Variants in SPACA1 observed in about 807,000 individuals in gnomAD.
The protein encoded by SPACA1 is sperm acrosome membrane-associated protein 1.
In SPACA1, 17 loss-of-function variants were observed where a neutral mutation model predicts 32.6. The observed-to-expected ratio is 0.52, with a 90% CI of 0.36 to 0.78. SPACA1 has a LOEUF of 0.78. Among genes scored for constraint, SPACA1 ranks in the 30% least tolerant of loss-of-function variants. SPACA1 has a pLI of 0.01. For missense variants in SPACA1, 363 were observed against 373.4 expected (o/e 0.97, Z 0.23); for synonymous variants, 140 against 138.1 (o/e 1.01, Z -0.10).
chr6:88,053,757 A>C (rs1775764143), intron 1 of SPACA1, among the ~76,000 whole-genome samples, 189 bp from the exon 2 acceptor site: 1 of 152,168 alleles, frequency 6.6e-6, no homozygotes, highest in Non-Finnish European at 1.5e-5. Context: ...ACTTCTTTAG[A>C]GGTTTGAGAC....
chr6:88,065,728 A>G (rs919125868), intron 6 of SPACA1, among the ~76,000 whole-genome samples: 2 of 151,184 alleles, frequency 1.3e-5, no homozygotes, highest in African/African-American at 2.4e-5. Flanking sequence ...TATTTTTAAA[A>G]ATCAGCCTTC....
intron 2 of SPACA1, among the ~76,000 whole-genome samples, chr6:88,056,559 A>C (rs892449406): frequency 6.6e-6 from 1 of 152,172 alleles, no homozygotes; most frequent in Non-Finnish European, 1.5e-5. Flanking sequence ...AAACCCATTC[A>C]AGAACAGCTG....
In SPACA1 at chr6:88,056,569, G is replaced by A. The variant is rs572329796; in HGVS notation, c.266-1043G>A. 3.3e-3 allele frequency among the ~76,000 whole-genome samples: 503 copies of A among 152,292 alleles called. 5 individuals are homozygous for A. Among genetic ancestry groups the A allele is most frequent in the Non-Finnish European group, 5.2e-3 (356 of 68,006 alleles). On this transcript the variant is annotated intron_variant, in intron 2 of 6. Transcript: ENST00000237201. ...ATCTCAAACCCATTCAAGAACAGCT[G>A]AATCAAAATTTGCATTTTAGTAAAT... is the stretch of plus-strand genomic sequence containing the variant.
chr6:88,062,711 G>A (rs932426260), intron 5 of SPACA1, among the ~76,000 whole-genome samples: 1 of 152,140 alleles, frequency 6.6e-6, no homozygotes, highest in Admixed American at 6.6e-5. Context: ...CTACTAGGGA[G>A]GCTGAGGTGG....
chr6:88,066,325 G>T lies in SPACA1; in HGVS notation c.875G>T (p.Trp292Leu), dbSNP rs748297795. ...MPGEDDALSE[W>L]NE is the part of the protein sequence containing the mutation. ...GGTGAAGATGATGCTTTAAGTGAAT[G>T]GAATGAATGATGTTTGAATGATATA... The change falls in exon 7 of 7, where the codon TGG becomes TTG. Residue 292 changes from tryptophan to leucine, a missense_variant. Trp to Leu is a moderately conservative substitution (Grantham distance 61). Coordinates refer to ENST00000237201, the MANE Select transcript of SPACA1 (RefSeq NM_030960.3). 4 of 1,609,406 alleles carry T rather than the reference G, an allele frequency of 2.5e-6. No individual in the cohort carries two copies. In the South Asian group the frequency reaches 3.3e-5, roughly 13 times the overall value.
intron 2 of SPACA1, among the ~76,000 whole-genome samples, chr6:88,057,163 C>A (rs1407739056): frequency 6.6e-6 from 1 of 152,068 alleles, no homozygotes; most frequent in Non-Finnish European, 1.5e-5. Flanking sequence ...AGGAAAAATA[C>A]TGCCAATTAA....
Position 88,066,276 on chromosome 6 carries a change from G to T in SPACA1, c.826G>T (p.Asp276Tyr). The change falls in exon 7 of 7, where the codon GAC becomes TAC. Residue 276 changes from aspartate (D) to tyrosine (Y), a missense_variant. Physicochemically the swap from Asp to Tyr is radical, Grantham distance 160 (BLOSUM62 -3). Transcript: ENST00000237201. ...GAGATACAAAGATTCAACTTCTCTT[G>T]ACCAATTACCAACAGAAATGCCTGG... ...SVRYKDSTSL[D>Y]QLPTEMPGED... 1 of 1,612,494 alleles carries T rather than the reference G, an allele frequency of 6.2e-7. No individual in the cohort carries two copies. The highest frequency in any genetic ancestry group is 1.1e-5 in the South Asian group (1 of 90,850).
At position 88,059,537 on chromosome 6, in the gene SPACA1, G is replaced by A. The variant is rs1408575621; in HGVS notation, c.559G>A (p.Asp187Asn). The change falls in exon 5 of 7, where the codon GAT becomes AAT. Residue 187 changes from aspartate to asparagine, a missense_variant. Asp to Asn is a conservative substitution (Grantham distance 23, BLOSUM62 1). Transcript: ENST00000237201. ...CTTGGCTTTCGAGTGTGACACACTG[G>A]ATAATAATGAAATAGTAGCAACTAT... ...HPLAFECDTL[D>N]NNEIVATIKF... The A allele has an allele frequency of 6.2e-7, 1 of 1,613,582 alleles. No homozygotes were observed. Among genetic ancestry groups the A allele is most frequent in the Non-Finnish European group, 8.5e-7 (1 of 1,179,772 alleles).
At chr6:88,060,461 A>T (rs1033314614) in intron 5 of SPACA1, among the ~76,000 whole-genome samples, 1 of 152,346 alleles carries the variant, frequency 6.6e-6, no homozygotes, top group African/African-American at 2.4e-5. Context: ...GAACACAAAG[A>T]GCTTCTGCTG....
intron 1 of SPACA1, among the ~76,000 whole-genome samples, chr6:88,048,987 A>T (rs1037108178): frequency 6.6e-6 from 1 of 152,102 alleles, no homozygotes; most frequent in Non-Finnish European, 1.5e-5. Context: ...CAGTCTATAC[A>T]TATCGAGTGA....
chr6:88,062,414 G>A (rs900932204), intron 5 of SPACA1, among the ~76,000 whole-genome samples: 2 of 152,138 alleles, frequency 1.3e-5, no homozygotes, highest in African/African-American at 4.8e-5. Flanking sequence ...GCAATAGTTG[G>A]ATCAGATGAT....
In SPACA1 at chr6:88,066,177, T is replaced by C; in HGVS notation, c.732-5T>C. 6.4e-7 allele frequency: 1 copy of C among 1,555,930 alleles called. No individual in the cohort carries two copies. The highest frequency in any genetic ancestry group is 1.2e-5 in the South Asian group (1 of 80,708). On this transcript the variant is annotated splice_polypyrimidine_tract_variant and splice_region_variant and intron_variant, in intron 6 of 6. Coordinates refer to ENST00000237201, the MANE Select transcript of SPACA1 (RefSeq NM_030960.3). ...GGTGGTTTTGGTTTTTGTTTTTTCT[T>C]CCAGGGCAGCAGTCAAGGCTTTCTG...
rs1417271368 is a variant in SPACA1 at position 88,047,936 on chromosome 6, G to C, written c.31G>C (p.Gly11Arg). Residue 11 changes from glycine (G) to arginine (R), a missense_variant, in exon 1 of 7, where the codon GGG becomes CGG. Transcript: ENST00000237201. MSPRGTGCSA[G>R]LLMTVGWLLL... ...CCCCAGGGGCACGGGCTGCTCCGCC[G>C]GGCTGCTGATGACTGTCGGCTGGCT... 2.6e-6 allele frequency: 4 copies of C among 1,565,650 alleles called. No homozygotes were observed. The East Asian group carries it at 9.4e-5, about 37-fold the overall frequency.
intron 5 of SPACA1, among the ~76,000 whole-genome samples, chr6:88,060,550 A>T (rs924622260): frequency 2.0e-5 from 3 of 152,252 alleles, no homozygotes; most frequent in Non-Finnish European, 2.9e-5. Context: ...ATTTTAAAAA[A>T]TAAACTACTA....
chr6:88,055,376 A>G (rs1172238519), intron 2 of SPACA1, among the ~76,000 whole-genome samples: 1 of 152,224 alleles, frequency 6.6e-6, no homozygotes, highest in Non-Finnish European at 1.5e-5. Flanking sequence ...TAGTTTAGTA[A>G]GAGCAGACAC....
At chr6:88,059,748 C>G (rs1414337619) in intron 5 of SPACA1, among the ~76,000 whole-genome samples, 160 bp downstream of exon 5, 2 of 152,206 alleles carry the variant, frequency 1.3e-5, no homozygotes, top group Non-Finnish European at 2.9e-5. Context: ...CCATTTCTAA[C>G]AAGTTGCCCT....
At chr6:88,062,379 G>A (rs1288508031) in intron 5 of SPACA1, among the ~76,000 whole-genome samples, 1 of 152,056 alleles carries the variant, frequency 6.6e-6, no homozygotes, top group Non-Finnish European at 1.5e-5. Flanking sequence ...ACCTCCCTGG[G>A]CCTTGGTTTA....
At chr6:88,054,025 A>G (rs1451614938) in intron 2 of SPACA1, 23 bp downstream of exon 2, 3 of 1,610,522 alleles carry the variant, frequency 1.9e-6, no homozygotes, top group African/African-American at 2.7e-5. Context: ...GAGCAGATGA[A>G]TAAACCATGT....
Position 88,066,436 on chromosome 6 carries a change from G to C in SPACA1, c.*101G>C. ...TGAAATACTTTAATAATGTTGCGAT[G>C]GATTGCCACAGTGTGAAGGAAATGC... is the stretch of plus-strand genomic sequence containing the variant. On this transcript the variant is annotated 3_prime_UTR_variant, in exon 7 of 7. Coordinates refer to ENST00000237201, the MANE Select transcript of SPACA1 (RefSeq NM_030960.3). 1.7e-6 allele frequency: 2 copies of C among 1,145,956 alleles called. No homozygotes were observed. The highest frequency in any genetic ancestry group is 1.2e-6 in the Non-Finnish European group (1 of 846,428). 71.0% of individuals were successfully genotyped at this position (1,145,956 alleles called of 1,614,324 possible). A position where few individuals can be genotyped will look rare whatever the true frequency, so the allele number is the denominator to read the frequency against.
Sources: gnomAD v4.1 joint callset for allele counts (sites outside exome capture counted in the v4.1 genomes callset) on GRCh38, gnomAD v4.1.1 for gene constraint, MANE v1.5 for transcripts, NCBI Gene and HGNC (gene_info 2026-07-23, HGNC 2026-07-21) for gene names.